The following SYNRG variants were observed in gnomAD, a reference collection of about 807,000 sequenced individuals.
The protein encoded by SYNRG is synergin gamma.
In SYNRG, 37 loss-of-function variants were observed where a neutral mutation model predicts 130.9. That is an observed-to-expected ratio of 0.28 (90% CI 0.22 to 0.37). The LOEUF is 0.37. Among genes scored for constraint, SYNRG ranks in the 10% least tolerant of loss-of-function variants. The pLI, the probability that SYNRG is intolerant of heterozygous loss-of-function variation, is 1.00. For synonymous variants in SYNRG, 539 were observed against 568.1 expected (o/e 0.95, Z 0.73); for missense variants, 1,338 against 1,588.9 (o/e 0.84, Z 2.68).
In SYNRG at chr17:37,542,171, C is replaced by G; in HGVS notation, c.3003G>C (p.Glu1001Asp). Residue 1001 changes from glutamate to aspartate, a missense_variant, in exon 15 of 22, where the codon GAG becomes GAC. Glu to Asp is a conservative substitution (Grantham distance 45). Transcript: ENST00000612223. ...QDLPTAERSQ[E>D]ATCPSPASSG... is the part of the protein sequence containing the mutation. ...TGGACGCTGGGCTGGGACACGTGGC[C>G]TCCTGGCTCCGTTCAGCCGTAGGCA... 1.9e-6 allele frequency: 3 copies of G among 1,614,230 alleles called. No homozygotes were observed. Among genetic ancestry groups the G allele is most frequent in the South Asian group, 1.1e-5 (1 of 91,088 alleles).
At chr17:37,537,078 C>G (rs1239958822) in intron 18 of SYNRG, 1 of 152,222 alleles carries the variant, frequency 6.6e-6, no homozygotes, top group Admixed American at 6.5e-5. Flanking sequence ...GGAGAAAAGA[C>G]AGGTGCCCCA....
intron 13 of SYNRG, among the ~76,000 whole-genome samples, chr17:37,555,607 T>C (rs1030318332): frequency 1.3e-5 from 2 of 152,146 alleles, no homozygotes; most frequent in African/African-American, 2.4e-5. Context: ...AATGTAAATA[T>C]AGTTATGCCA....
chr17:37,605,493 G>T (rs971727492), intron 1 of SYNRG, among the ~76,000 whole-genome samples: 1 of 152,106 alleles, frequency 6.6e-6, no homozygotes, highest in East Asian at 1.9e-4. Flanking sequence ...CAATCACATA[G>T]ACATGAATAC....
chr17:37,553,817 C>T lies in SYNRG; in HGVS notation c.1906G>A (p.Val636Met). 6.2e-7 allele frequency: 1 copy of T among 1,613,460 alleles called. No homozygotes were observed. Among genetic ancestry groups the T allele is most frequent in the Non-Finnish European group, 8.5e-7 (1 of 1,179,896 alleles). The stretch of plus-strand genomic sequence containing the variant: ...GAAACTGATTTTGATGTGCTAAACA[C>T]AGCTGAAAAAGACAATGGTTTCTCG... ...SSEKPLSFSAVFSTSKSVSTP... is the reference protein window; with the variant it reads ...SSEKPLSFSAMFSTSKSVSTP... The change falls in exon 14 of 22, where the codon GTG (valine) becomes ATG (methionine). Residue 636 changes from valine (V) to methionine (M), a missense_variant. By Grantham distance (21) the Val-to-Met change is conservative. Coordinates refer to ENST00000612223, the MANE Select transcript of SYNRG (RefSeq NM_007247.6).
intron 19 of SYNRG, among the ~76,000 whole-genome samples, 188 bp downstream of exon 19, chr17:37,535,791 T>TA (rs1487036674): frequency 5.3e-5 from 8 of 152,210 alleles, no homozygotes; most frequent in African/African-American, 7.2e-5. Flanking sequence ...CACTGGGCCT[T>TA]AGAGAGATCA....
Position 37,584,762 on chromosome 17 carries a change from A to G in SYNRG, c.478-3T>C, listed in dbSNP as rs1228833205. 6.2e-7 allele frequency: 1 copy of G among 1,602,178 alleles called. No homozygotes were observed. The highest frequency in any genetic ancestry group is 1.3e-5 in the African/African-American group (1 of 74,732). On this transcript the variant is annotated splice_region_variant and splice_polypyrimidine_tract_variant and intron_variant, in intron 5 of 21. Transcript: ENST00000612223. ...TCATCTCTACTCTTCTCTCCTGTCTAAGAGACAACAAATATATGCGTATTT... is the reference window on the plus strand; with the variant it reads ...TCATCTCTACTCTTCTCTCCTGTCTGAGAGACAACAAATATATGCGTATTT...
intron 11 of SYNRG, chr17:37,567,901 A>C (rs1443619308): frequency 6.6e-6 from 1 of 152,242 alleles, no homozygotes; most frequent in African/African-American, 2.4e-5. Flanking sequence ...AGAAATATCT[A>C]AATACTTTTT....
At chr17:37,539,906 G>A (rs1202705411) in intron 16 of SYNRG, among the ~76,000 whole-genome samples, 1 of 152,124 alleles carries the variant, frequency 6.6e-6, no homozygotes, top group Non-Finnish European at 1.5e-5. Flanking sequence ...CAGTTATAAC[G>A]CTGTGTGGCT....
intron 10 of SYNRG, 39 bp from the exon 11 acceptor site, chr17:37,568,963 T>A (rs1187501162): frequency 1.3e-6 from 2 of 1,581,154 alleles, no homozygotes; most frequent in Non-Finnish European, 1.7e-6. Context: ...TAGCACTGAC[T>A]GACAAAATAA....
At chr17:37,547,029 A>T (rs1310187565) in intron 14 of SYNRG, among the ~76,000 whole-genome samples, 3 of 152,232 alleles carry the variant, frequency 2.0e-5, no homozygotes, top group Non-Finnish European at 4.4e-5. Context: ...ACACTGAAGA[A>T]AACAGGAATG....
chr17:37,586,562 G>C lies in SYNRG; in HGVS notation c.241-13C>G. 1 of 1,613,256 alleles carries C rather than the reference G, an allele frequency of 6.2e-7. No homozygotes were observed. The highest frequency in any genetic ancestry group is 8.5e-7 in the Non-Finnish European group (1 of 1,179,628). ...TTGGTATTCCTGCCTAGAAGAAACA[G>C]ACAAAGGCTTAAAAAACACAATTTA... On this transcript the variant is annotated splice_polypyrimidine_tract_variant and intron_variant, in intron 3 of 21. Coordinates refer to ENST00000612223, the MANE Select transcript of SYNRG (RefSeq NM_007247.6).
chr17:37,561,543 A>G lies in SYNRG; in HGVS notation c.1528T>C (p.Ser510Pro). ...MPLPGTKALP[S>P]MDKYAVFKGI... ...TTAAACACAGCATATTTGTCCATTG[A>G]AGGCAATGCTTTAGTTCCAGGAAGT... Residue 510 changes from serine to proline, a missense_variant, in exon 12 of 22, where the codon TCA becomes CCA. Physicochemically the swap from Ser to Pro is moderately conservative, Grantham distance 74 (BLOSUM62 -1). Transcript: ENST00000612223. The G allele has an allele frequency of 6.2e-7, 1 of 1,613,764 alleles. No individual in the cohort carries two copies.
intron 6 of SYNRG, 28 bp downstream of exon 6, chr17:37,584,620 A>T: frequency 6.3e-7 from 1 of 1,589,386 alleles, no homozygotes; most frequent in Non-Finnish European, 8.6e-7. Context: ...TTCCCAGAAA[A>T]GAAAAATATA....
At chr17:37,522,158 A>ACACACACACACACACACACAC (rs2055172609) in intron 19 of SYNRG, among the ~76,000 whole-genome samples, 1 of 39,666 alleles carries the variant, frequency 2.5e-5, no homozygotes, top group African/African-American at 1.5e-4. Context: ...CACACACACA[A>ACACACACACACACACACACAC]TGGTTAAAAG....
At chr17:37,556,188 G>A (rs905045490) in intron 13 of SYNRG, among the ~76,000 whole-genome samples, 20 of 152,062 alleles carry the variant, frequency 1.3e-4, no homozygotes, top group Non-Finnish European at 1.8e-4. Flanking sequence ...GGTGGCTCAC[G>A]ACTGTAATCC....
chr17:37,539,551 G>C (rs999521401), intron 16 of SYNRG, among the ~76,000 whole-genome samples: 4 of 151,936 alleles, frequency 2.6e-5, no homozygotes, highest in Non-Finnish European at 4.4e-5. Context: ...TTGTATTTTT[G>C]GTAGAGGTGG....
At position 37,517,457 on chromosome 17, in the gene SYNRG, G is replaced by A. The variant is rs969479289; in HGVS notation, c.*1483C>T. On this transcript the variant is annotated 3_prime_UTR_variant, in exon 22 of 22. Transcript: ENST00000612223. ...AGAGACGGTATCATCGGGAGCGAGT[G>A]AGAAAAGCCTTTCTCTCCTCGGTGC... 1 of 151,868 alleles carries A rather than the reference G, an allele frequency of 6.6e-6. No homozygotes were observed. The highest frequency in any genetic ancestry group is 1.5e-5 in the Non-Finnish European group (1 of 67,994). The allele number at this position is 151,868 out of a possible 1,614,324, so 9.4% of individuals were successfully genotyped here. A position where few individuals can be genotyped will look rare whatever the true frequency, so the allele number is the denominator to read the frequency against.
intron 19 of SYNRG, among the ~76,000 whole-genome samples, chr17:37,531,350 T>G (rs956985486): frequency 6.6e-6 from 1 of 152,176 alleles, no homozygotes; most frequent in Non-Finnish European, 1.5e-5. Context: ...AGGGAGGGTT[T>G]GTGCAAGTGA....
intron 5 of SYNRG, 66 bp downstream of exon 5, chr17:37,585,259 A>C: frequency 1.5e-6 from 2 of 1,308,388 alleles, no homozygotes; most frequent in Non-Finnish European, 2.2e-6. Flanking sequence ...AAATCCACTC[A>C]ATGAGTGGGA....
Sources: allele counts gnomAD v4.1 joint callset (sites outside exome capture counted in the v4.1 genomes callset), GRCh38; gene constraint gnomAD v4.1.1; transcripts MANE v1.5; gene names NCBI Gene and HGNC (gene_info 2026-07-23, HGNC 2026-07-21).